The following TRAK1 variants were observed in gnomAD, a reference collection of about 807,000 sequenced individuals.
TRAK1 encodes trafficking kinesin-binding protein 1.
Under a neutral mutation model 92.1 loss-of-function variants are expected in TRAK1, and 33 were observed. The ratio of observed to expected loss-of-function variants is 0.36; its 90% CI spans 0.27 to 0.48. The LOEUF is 0.48. Ranked by LOEUF, TRAK1 falls within the 20% of genes least tolerant of loss-of-function variation. TRAK1 has a pLI of 0.99. For missense variants in TRAK1, 1,123 were observed against 1,257.9 expected (o/e 0.89, Z 1.62); for synonymous variants, 521 against 517.3 (o/e 1.01, Z -0.10).
At chr3:42,063,563 GTAGCCCCGTC>G (rs1703542833) in intron 1 of TRAK1, among the ~76,000 whole-genome samples, 1 of 152,176 alleles carries the variant, frequency 6.6e-6, no homozygotes, top group Non-Finnish European at 1.5e-5. Flanking sequence ...GGACACGCCT[GTAGCCCCGTC>G]TCCTTGGGAG....
chr3:42,031,524 C>G (rs1319901230), intron 1 of TRAK1, among the ~76,000 whole-genome samples: 1 of 27,786 alleles, frequency 3.6e-5, no homozygotes, highest in Non-Finnish European at 3.6e-3. Context: ...GTCCTAGCTA[C>G]TATGGGGCTG....
At chr3:42,117,236 C>T (rs532775473) in intron 1 of TRAK1, among the ~76,000 whole-genome samples, 25 of 152,250 alleles carry the variant, frequency 1.6e-4, no homozygotes, top group African/African-American at 5.5e-4. Context: ...AACTGAGTCC[C>T]AGGCATATGA....
chr3:42,156,963 G>C (rs922290754), intron 2 of TRAK1, among the ~76,000 whole-genome samples: 22 of 152,098 alleles, frequency 1.4e-4, no homozygotes, highest in African/African-American at 5.3e-4. Context: ...AGACCAGCTT[G>C]ACTAACATGG....
At chr3:42,199,297 C>T (rs1201949980) in intron 11 of TRAK1, 44 bp downstream of exon 11, 3 of 1,599,704 alleles carry the variant, frequency 1.9e-6, no homozygotes, top group Non-Finnish European at 2.6e-6. Flanking sequence ...CAGAGACCAA[C>T]TTGGACCAGT....
chr3:42,193,271 A>G, intron 8 of TRAK1, 66 bp downstream of exon 8: 2 of 1,584,866 alleles, frequency 1.3e-6, no homozygotes, highest in Non-Finnish European at 1.7e-6. Context: ...AGGGACATTT[A>G]CTCCAGAAGA....
chr3:42,177,573 G>T (rs1703385119), intron 3 of TRAK1, among the ~76,000 whole-genome samples: 1 of 152,218 alleles, frequency 6.6e-6, no homozygotes, highest in Non-Finnish European at 1.5e-5. Context: ...ATGGACAGGT[G>T]CTGCCTTCTA....
intron 15 of TRAK1, among the ~76,000 whole-genome samples, 195 bp downstream of exon 15, chr3:42,219,791 T>TTTG (rs1553615122): frequency 1.0e-4 from 14 of 135,434 alleles, no homozygotes; most frequent in African/African-American, 4.0e-4. Context: ...TATGTGTTTT[T>TTTG]TTTTTTTTTT....
At chr3:42,162,612 G>T (rs1297237280) in intron 2 of TRAK1, among the ~76,000 whole-genome samples, 1 of 152,198 alleles carries the variant, frequency 6.6e-6, no homozygotes, top group Non-Finnish European at 1.5e-5. Context: ...CAGCGATGCT[G>T]TACATAAGGT....
chr3:42,176,510 C>A (rs111941737), intron 2 of TRAK1, among the ~76,000 whole-genome samples: 163 of 152,264 alleles, frequency 1.1e-3, no homozygotes, highest in African/African-American at 3.8e-3. Flanking sequence ...TGCTGAATAT[C>A]TGTGAGGCCA....
intron 1 of TRAK1, among the ~76,000 whole-genome samples, chr3:42,037,307 C>A (rs554696126): frequency 6.6e-6 from 1 of 152,310 alleles, no homozygotes; most frequent in Admixed American, 6.5e-5. Context: ...ATTTTAGACC[C>A]ATTTTCCTTA....
At chr3:42,191,391 G>A (rs1166768179) in intron 6 of TRAK1, among the ~76,000 whole-genome samples, 167 bp from the exon 7 acceptor site, 1 of 152,212 alleles carries the variant, frequency 6.6e-6, no homozygotes, top group Non-Finnish European at 1.5e-5. Flanking sequence ...ATTAAGCTGG[G>A]AATTCAGATG....
chr3:42,018,796 T>G (rs1455652272), intron 1 of TRAK1, among the ~76,000 whole-genome samples: 1 of 152,240 alleles, frequency 6.6e-6, no homozygotes, highest in African/African-American at 2.4e-5. Context: ...CTATCTTCCG[T>G]TACATAGATG....
chr3:42,108,836 G>C (rs1266676948), intron 1 of TRAK1, among the ~76,000 whole-genome samples: 2 of 152,078 alleles, frequency 1.3e-5, no homozygotes, highest in Admixed American at 6.5e-5. Context: ...TAATGCTCCT[G>C]TTTGAAGGCA....
At chr3:42,203,471 C>G (rs1707938207) in intron 13 of TRAK1, 1 of 981,344 alleles carries the variant, frequency 1.0e-6, no homozygotes, top group South Asian at 4.7e-5. Context: ...CTCCTTCCCT[C>G]TCTCCCTCTT....
intron 2 of TRAK1, among the ~76,000 whole-genome samples, chr3:42,147,871 G>C (rs983369500): frequency 6.6e-6 from 1 of 152,166 alleles, no homozygotes; most frequent in Non-Finnish European, 1.5e-5. Flanking sequence ...AACGTTACAG[G>C]CTCTTCAGCT....
intron 1 of TRAK1, among the ~76,000 whole-genome samples, chr3:42,079,108 G>A (rs1004299369): frequency 3.3e-5 from 5 of 152,218 alleles, no homozygotes; most frequent in African/African-American, 1.2e-4. Flanking sequence ...CTGTTGAGAT[G>A]CATGCTGGAT....
intron 2 of TRAK1, among the ~76,000 whole-genome samples, chr3:42,169,117 C>T (rs1296020303): frequency 4.0e-5 from 6 of 150,368 alleles, no homozygotes; most frequent in Non-Finnish European, 5.9e-5. Flanking sequence ...AGCCATGGTG[C>T]CCAGCAAAGT....
intron 14 of TRAK1, 130 bp downstream of exon 14, chr3:42,210,115 A>AGGAGGAGGG: frequency 6.4e-7 from 1 of 1,558,936 alleles, no homozygotes; most frequent in South Asian, 1.1e-5. Context: ...GAGGAGGAGG[A>AGGAGGAGGG]GGGGTCTGGT....
rs1054218376 is a variant in TRAK1, at chr3:42,091,379, G to A, written c.-91G>A. ...CTCAGAAAACTGCTGAGGAAGGCAC[G>A]GGAGGGTGGCTGTGCGAGGTACTGC... On this transcript the variant is annotated 5_prime_UTR_variant, in exon 1 of 16. Coordinates refer to ENST00000327628, the MANE Select transcript of TRAK1 (RefSeq NM_001042646.3). The A allele has an allele frequency of 2.6e-6, 3 of 1,157,024 alleles. No individual in the cohort carries two copies. The highest frequency in any genetic ancestry group is 1.5e-5 in the African/African-American group (1 of 64,548). 71.7% of individuals were successfully genotyped at this position (1,157,024 alleles called of 1,614,324 possible).
Sources: gnomAD v4.1 joint callset for allele counts (sites outside exome capture counted in the v4.1 genomes callset) on GRCh38, gnomAD v4.1.1 for gene constraint, MANE v1.5 for transcripts, NCBI Gene and HGNC (gene_info 2026-07-23, HGNC 2026-07-21) for gene names.